DIP2B: variants seen among roughly 807,000 people sequenced by gnomAD.
DIP2B encodes the protein DIP2 acetate--CoA ligase B (putative).
DIP2B carries 76 observed loss-of-function variants against 198.0 expected under a neutral mutation model. The observed-to-expected ratio is 0.38, with a 90% CI of 0.32 to 0.46. DIP2B has a LOEUF of 0.46. Among genes scored for constraint, DIP2B ranks in the 20% least tolerant of loss-of-function variants. The pLI, the probability that DIP2B is intolerant of heterozygous loss-of-function variation, is 0.99. For synonymous variants in DIP2B, 701 were observed against 739.1 expected (o/e 0.95, Z 0.84); for missense variants, 1,559 against 1,978.4 (o/e 0.79, Z 4.02).
At chr12:50,558,832 C>T (rs1040186113) in intron 1 of DIP2B, among the ~76,000 whole-genome samples, 1 of 152,136 alleles carries the variant, frequency 6.6e-6, no homozygotes, top group African/African-American at 2.4e-5. Flanking sequence ...GGAGTGGGTG[C>T]ACCAGTTCCC....
intron 1 of DIP2B, among the ~76,000 whole-genome samples, chr12:50,621,855 T>C (rs1937818509): frequency 6.6e-6 from 1 of 152,212 alleles, no homozygotes; most frequent in East Asian, 1.9e-4. Context: ...GTCTCCTTAA[T>C]TTCTTTGCTC....
At chr12:50,726,873 G>A (rs1939946306) in intron 28 of DIP2B, among the ~76,000 whole-genome samples, 1 of 152,224 alleles carries the variant, frequency 6.6e-6, no homozygotes, top group South Asian at 2.1e-4. Flanking sequence ...AGCACTCTGA[G>A]AGGCTGAGGC....
At chr12:50,706,788 A>G in intron 21 of DIP2B, 123 bp downstream of exon 21, 4 of 1,158,210 alleles carry the variant, frequency 3.5e-6, no homozygotes, top group South Asian at 3.7e-5. Context: ...TTTGTTAAGC[A>G]TTGCATAAGC....
intron 23 of DIP2B, 130 bp from the exon 24 acceptor site, chr12:50,718,579 G>A: frequency 1.3e-6 from 1 of 758,048 alleles, no homozygotes; most frequent in Admixed American, 2.6e-5. Context: ...TGGGTTCCCA[G>A]TGCCTAGAAG....
intron 2 of DIP2B, 33 bp from the exon 3 acceptor site, chr12:50,640,691 C>T (rs1359020230): frequency 6.2e-7 from 1 of 1,608,928 alleles, no homozygotes; most frequent in Non-Finnish European, 8.5e-7. Flanking sequence ...ATTACTGTTA[C>T]TGGATAACCA....
chr12:50,524,214 C>T (rs187645912), intron 1 of DIP2B, among the ~76,000 whole-genome samples: 1 of 152,236 alleles, frequency 6.6e-6, no homozygotes, highest in East Asian at 1.9e-4. Flanking sequence ...TTAATCATGC[C>T]CATGTCATCA....
At chr12:50,653,530 C>T (rs769054077) in intron 3 of DIP2B, among the ~76,000 whole-genome samples, 11 of 151,370 alleles carry the variant, frequency 7.3e-5, no homozygotes, top group African/African-American at 1.7e-4. Flanking sequence ...TTTGTAGAGA[C>T]GAGGTGTTGC....
intron 1 of DIP2B, among the ~76,000 whole-genome samples, chr12:50,535,946 G>C (rs554344700): frequency 6.7e-6 from 1 of 149,552 alleles, no homozygotes; most frequent in South Asian, 2.1e-4. Context: ...AGAATATGGG[G>C]TGTTTGGTTT....
At chr12:50,686,319 A>G (rs1592127486) in intron 11 of DIP2B, among the ~76,000 whole-genome samples, 2 of 152,312 alleles carry the variant, frequency 1.3e-5, no homozygotes, top group East Asian at 1.9e-4. Flanking sequence ...ACCTCAGTGG[A>G]CTTCCACTGC....
At chr12:50,573,405 T>C (rs1158932700) in intron 1 of DIP2B, among the ~76,000 whole-genome samples, 3 of 152,238 alleles carry the variant, frequency 2.0e-5, no homozygotes, top group Non-Finnish European at 4.4e-5. Context: ...CCAAATTCTG[T>C]TTCTTCCTGG....
intron 1 of DIP2B, among the ~76,000 whole-genome samples, chr12:50,549,594 G>A (rs1958408578): frequency 6.6e-6 from 1 of 150,508 alleles, no homozygotes; most frequent in Admixed American, 6.6e-5. Flanking sequence ...AGCTACTTGG[G>A]AGGCTGAGGC....
intron 27 of DIP2B, 145 bp downstream of exon 27, chr12:50,723,468 C>A: frequency 8.6e-7 from 1 of 1,156,544 alleles, no homozygotes; most frequent in East Asian, 2.6e-5. Context: ...TTAATCCAGC[C>A]AAAGCAGTCA....
At chr12:50,631,908 T>C (rs1326959359) in intron 2 of DIP2B, among the ~76,000 whole-genome samples, 1 of 152,142 alleles carries the variant, frequency 6.6e-6, no homozygotes, top group African/African-American at 2.4e-5. Context: ...TTATATACAT[T>C]CCATGTCAAA....
chr12:50,702,016 C>A (rs1416077067), intron 19 of DIP2B, among the ~76,000 whole-genome samples: 2 of 152,044 alleles, frequency 1.3e-5, no homozygotes, highest in Admixed American at 1.3e-4. Flanking sequence ...GTGATCCTCG[C>A]ACTTTGAGAG....
chr12:50,552,270 C>CTT (rs36028157), intron 1 of DIP2B, among the ~76,000 whole-genome samples: 12 of 139,978 alleles, frequency 8.6e-5, no homozygotes, highest in East Asian at 2.0e-4. Flanking sequence ...TATAGGAGTT[C>CTT]TTTTTTTTTT....
intron 19 of DIP2B, among the ~76,000 whole-genome samples, chr12:50,703,427 G>A (rs1030726236): frequency 6.6e-6 from 1 of 152,022 alleles, no homozygotes; most frequent in Middle Eastern, 3.4e-3. Context: ...GAAAAGACTC[G>A]TGCCTTTTGT....
intron 1 of DIP2B, among the ~76,000 whole-genome samples, chr12:50,508,127 T>C (rs1957984207): frequency 6.6e-6 from 1 of 152,216 alleles, no homozygotes; most frequent in South Asian, 2.1e-4. Context: ...TGTCTGGTGC[T>C]TCAGGCAGGT....
chr12:50,693,595 G>A (rs1366697730), intron 14 of DIP2B, among the ~76,000 whole-genome samples: 1 of 152,146 alleles, frequency 6.6e-6, no homozygotes, highest in Non-Finnish European at 1.5e-5. Context: ...AGAGGAGGTG[G>A]ATCCCTTTTC....
At chr12:50,680,591 T>C (rs1592124733) in intron 8 of DIP2B, 81 bp from the exon 9 acceptor site, 1 of 1,320,834 alleles carries the variant, frequency 7.6e-7, no homozygotes, top group East Asian at 2.3e-5. Context: ...TTAACTACAC[T>C]GATGATCTGA....
Sources: gnomAD v4.1 joint callset for allele counts (sites outside exome capture counted in the v4.1 genomes callset) on GRCh38, gnomAD v4.1.1 for gene constraint, MANE v1.5 for transcripts, NCBI Gene and HGNC (gene_info 2026-07-23, HGNC 2026-07-21) for gene names.